Variants in KCMF1 observed in about 807,000 individuals in gnomAD.
KCMF1 encodes potassium channel modulatory factor 1.
KCMF1 carries 3 observed loss-of-function variants against 41.1 expected under a neutral mutation model. The ratio of observed to expected loss-of-function variants is 0.07; its 90% CI spans 0.03 to 0.19. The LOEUF (loss-of-function observed/expected upper bound fraction) is 0.19. KCMF1 is among the 10% of genes least tolerant of loss of function. KCMF1 has a pLI of 1.00. For synonymous variants in KCMF1, 142 were observed against 164.5 expected (o/e 0.86, Z 1.04); for missense variants, 286 against 488.9 (o/e 0.58, Z 3.91).
intron 1 of KCMF1, among the ~76,000 whole-genome samples, chr2:85,016,357 G>A (rs1008402817): frequency 3.3e-5 from 5 of 151,874 alleles, no homozygotes; most frequent in East Asian, 3.8e-4. Flanking sequence ...AAAAATATGC[G>A]TATATAGAGT....
chr2:85,050,974 A>G (rs1050622338), intron 6 of KCMF1, among the ~76,000 whole-genome samples: 1 of 152,204 alleles, frequency 6.6e-6, no homozygotes. Context: ...TTTTATCATC[A>G]GTATCCCAGA....
chr2:85,052,430 CACA>C (rs1390565631), intron 6 of KCMF1, among the ~76,000 whole-genome samples: 6 of 152,178 alleles, frequency 3.9e-5, no homozygotes, highest in Non-Finnish European at 2.9e-5. Flanking sequence ...TGAAGATCCT[CACA>C]AGCCTTGCAG....
chr2:85,019,062 A>T (rs1674862634), intron 1 of KCMF1, among the ~76,000 whole-genome samples: 1 of 152,036 alleles, frequency 6.6e-6, no homozygotes. Flanking sequence ...TAATATCTTA[A>T]ATAGAGTGTA....
intron 1 of KCMF1, among the ~76,000 whole-genome samples, chr2:85,011,286 A>T (rs547806309): frequency 6.6e-6 from 1 of 152,180 alleles, no homozygotes; most frequent in East Asian, 1.9e-4. Context: ...TTAGAACTGG[A>T]TATATTACAG....
rs532001456 is a variant in KCMF1 at position 85,030,603 on chromosome 2, A to G, written c.184+2547A>G. Among the ~76,000 whole-genome samples the G allele has an allele frequency of 2.5e-3, 380 of 152,314 alleles. 3 individuals are homozygous for G. The highest frequency in any genetic ancestry group is 8.9e-3 in the African/African-American group (369 of 41,570). ...TGTTGGAAAGACTATTCTTTACCCA[A>G]TGCATTGTCTTGGCACTCTTGTTAA... On this transcript the variant is annotated intron_variant, in intron 2 of 6. Coordinates refer to ENST00000409785, the MANE Select transcript of KCMF1 (RefSeq NM_020122.5).
intron 2 of KCMF1, among the ~76,000 whole-genome samples, chr2:85,031,441 A>C (rs1473996464): frequency 6.6e-6 from 1 of 152,190 alleles, no homozygotes; most frequent in East Asian, 1.9e-4. Context: ...AAAGCAATAT[A>C]TGTTCAGTAG....
At chr2:85,005,405 C>T (rs993694122) in intron 1 of KCMF1, among the ~76,000 whole-genome samples, 4 of 152,036 alleles carry the variant, frequency 2.6e-5, no homozygotes, top group Non-Finnish European at 4.4e-5. Context: ...TCTCCTCCCT[C>T]AGCCTCCTGA....
intron 1 of KCMF1, among the ~76,000 whole-genome samples, chr2:84,974,618 C>A (rs1401422155): frequency 1.6e-5 from 2 of 123,288 alleles, no homozygotes; most frequent in African/African-American, 6.1e-5. Context: ...TGGCTCTGTT[C>A]CAATTAAAAC....
intron 1 of KCMF1, among the ~76,000 whole-genome samples, chr2:84,987,849 A>G (rs1260365855): frequency 6.6e-6 from 1 of 152,160 alleles, no homozygotes; most frequent in African/African-American, 2.4e-5. Flanking sequence ...CTGCTTGTGT[A>G]TTGACTTGGA....
At chr2:84,996,429 G>GTTTTTTTTTTTT (rs1316713818) in intron 1 of KCMF1, among the ~76,000 whole-genome samples, 1 of 140,860 alleles carries the variant, frequency 7.1e-6, no homozygotes, top group African/African-American at 2.8e-5. Flanking sequence ...AATAACCTAA[G>GTTTTTTTTTTTT]ATTTTTTTTT....
intron 6 of KCMF1, among the ~76,000 whole-genome samples, chr2:85,050,279 A>G (rs559613563): frequency 1.3e-5 from 2 of 152,344 alleles, no homozygotes; most frequent in East Asian, 3.9e-4. Flanking sequence ...TGTATTTATC[A>G]TAATTAACGT....
rs1024179617 is a variant in KCMF1 at position 85,056,660 on chromosome 2, CAG to C, written c.*3252_*3253del. The stretch of plus-strand genomic sequence containing the variant: ...AATCTTTTGAATGGGATTCCTGTAA[CAG>C]TGTTCAGTACCAATATTAAGTCTAC... On this transcript the variant is annotated 3_prime_UTR_variant, in exon 7 of 7. Transcript: ENST00000409785. 4.6e-5 allele frequency: 7 copies of C among 151,876 alleles called. No homozygotes were observed. The highest frequency in any genetic ancestry group is 1.2e-4 in the African/African-American group (5 of 41,198). The allele number at this position is 151,876 out of a possible 1,614,324, so 9.4% of individuals were successfully genotyped here. A position where few individuals can be genotyped will look rare whatever the true frequency, so the allele number is the denominator to read the frequency against.
intron 6 of KCMF1, among the ~76,000 whole-genome samples, chr2:85,051,578 T>C (rs1308414831): frequency 6.6e-6 from 1 of 152,202 alleles, no homozygotes; most frequent in African/African-American, 2.4e-5. Context: ...ATCCCCCTTC[T>C]ATCATCTGAT....
In KCMF1 at chr2:85,055,578, TATTA is replaced by T. The variant is rs1318766864; in HGVS notation, c.*2174_*2177del. 1.3e-5 allele frequency: 2 copies of T among 152,202 alleles called. No homozygotes were observed. The highest frequency in any genetic ancestry group is 2.1e-4 in the South Asian group (1 of 4,834). The allele number at this position is 152,202 out of a possible 1,614,324, so 9.4% of individuals were successfully genotyped here. A position where few individuals can be genotyped will look rare whatever the true frequency, so the allele number is the denominator to read the frequency against. On this transcript the variant is annotated 3_prime_UTR_variant, in exon 7 of 7. Transcript: ENST00000409785. ...ATTCCATCTCATGTAGAATACTGTA[TATTA>T]ATTATTTTTTACCAGATATTTTACA...
At chr2:85,006,501 C>T (rs979931674) in intron 1 of KCMF1, among the ~76,000 whole-genome samples, 4 of 151,526 alleles carry the variant, frequency 2.6e-5, no homozygotes, top group Admixed American at 6.6e-5. Flanking sequence ...AGGGTTTCAC[C>T]GTATTAGGCA....
intron 1 of KCMF1, among the ~76,000 whole-genome samples, chr2:85,002,989 C>T (rs1294095625): frequency 6.6e-6 from 1 of 152,120 alleles, no homozygotes; most frequent in Non-Finnish European, 1.5e-5. Context: ...GTAGATATAT[C>T]ACAGTTATGA....
chr2:85,017,220 G>T (rs1399175991), intron 1 of KCMF1, among the ~76,000 whole-genome samples: 1 of 151,208 alleles, frequency 6.6e-6, no homozygotes, highest in Non-Finnish European at 1.5e-5. Flanking sequence ...TAGAGACGGG[G>T]TTTCACCTTG....
intron 2 of KCMF1, among the ~76,000 whole-genome samples, chr2:85,032,705 G>A (rs2104036500): frequency 6.6e-6 from 1 of 152,054 alleles, no homozygotes; most frequent in South Asian, 2.1e-4. Flanking sequence ...TAGAGATGGG[G>A]TTTTCCTAGT....
chr2:85,005,109 G>A (rs934582806), intron 1 of KCMF1, among the ~76,000 whole-genome samples: 5 of 151,974 alleles, frequency 3.3e-5, no homozygotes, highest in East Asian at 1.9e-4. Context: ...GTTTCACCAC[G>A]TTGGCCAGGC....
Sources: allele counts gnomAD v4.1 joint callset (sites outside exome capture counted in the v4.1 genomes callset), GRCh38; gene constraint gnomAD v4.1.1; transcripts MANE v1.5; gene names NCBI Gene and HGNC (gene_info 2026-07-23, HGNC 2026-07-21).